Variants in LDB3 observed in about 807,000 individuals in gnomAD.
LDB3 encodes LIM domain-binding protein 3.
In LDB3, 49 loss-of-function variants were observed where a neutral mutation model predicts 69.0. That is an observed-to-expected ratio of 0.71 (90% CI 0.56 to 0.90). The LOEUF is 0.90. Among genes scored for constraint, LDB3 ranks in the 40% least tolerant of loss-of-function variants. LDB3 has a pLI of 0.00. For synonymous variants in LDB3, 387 were observed against 396.2 expected (o/e 0.98, Z 0.28); for missense variants, 928 against 974.1 (o/e 0.95, Z 0.63).
At chr10:86,697,743 G>A (rs746792090) in intron 7 of LDB3, among the ~76,000 whole-genome samples, 2 of 151,220 alleles carry the variant, frequency 1.3e-5, no homozygotes, top group Non-Finnish European at 2.9e-5. Flanking sequence ...TAGTAGAGAC[G>A]GGGTTTCACC....
chr10:86,668,602 G>T (rs527637945), intron 1 of LDB3, 32 bp downstream of exon 1: 2 of 1,009,574 alleles, frequency 2.0e-6, no homozygotes, highest in East Asian at 2.4e-5. Flanking sequence ...AGGGGCAGAG[G>T]TGTGGACCGG....
In LDB3 at chr10:86,679,534, C is replaced by T. The variant is rs747542264; in HGVS notation, c.245+16C>T. On this transcript the variant is annotated intron_variant, in intron 3 of 13. Transcript: ENST00000361373. Reference sequence around the variant, plus strand: ...CCCTGCAGAAGTAGGTGGGAGCTCTCCAGAGCAGGGGGCGGAGGTTTGGGT... The same window carrying T: ...CCCTGCAGAAGTAGGTGGGAGCTCTTCAGAGCAGGGGGCGGAGGTTTGGGT... The T allele has an allele frequency of 1.2e-6, 2 of 1,613,300 alleles. No homozygotes were observed. The highest frequency in any genetic ancestry group is 1.7e-5 in the Admixed American group (1 of 60,014).
intron 8 of LDB3, among the ~76,000 whole-genome samples, chr10:86,707,294 G>C (rs1481090689): frequency 6.6e-6 from 1 of 152,038 alleles, no homozygotes; most frequent in African/African-American, 2.4e-5. Context: ...GTGTAACCTT[G>C]AAAAAGTGAC....
intron 12 of LDB3, among the ~76,000 whole-genome samples, chr10:86,723,711 C>G (rs1330621177): frequency 6.6e-6 from 1 of 152,190 alleles, no homozygotes; most frequent in African/African-American, 2.4e-5. Flanking sequence ...TTTCTTAGCT[C>G]TGGCAAGGCA....
In LDB3 at chr10:86,687,055, C is replaced by T. The variant is rs777780639; in HGVS notation, c.690-4841C>T. On this transcript the variant is annotated intron_variant, in intron 5 of 13. Coordinates refer to ENST00000361373, the MANE Select transcript of LDB3 (RefSeq NM_007078.3). ...CTCCCTCTCCCTGCCCGTACTCCCGCACCCCTCCCCCAGCGCCGACTACCA... is the reference window on the plus strand; with the variant it reads ...CTCCCTCTCCCTGCCCGTACTCCCGTACCCCTCCCCCAGCGCCGACTACCA... 11 of 1,613,400 alleles carry T rather than the reference C, an allele frequency of 6.8e-6. No individual in the cohort carries two copies. The highest frequency in any genetic ancestry group is 8.5e-6 in the Non-Finnish European group (10 of 1,179,524).
intron 2 of LDB3, among the ~76,000 whole-genome samples, chr10:86,671,943 C>G (rs1844505030): frequency 6.6e-6 from 1 of 152,232 alleles, no homozygotes; most frequent in South Asian, 2.1e-4. Flanking sequence ...GAAACCCTGT[C>G]TCCACTAAAA....
At chr10:86,715,083 G>A (rs1487133739) in intron 9 of LDB3, among the ~76,000 whole-genome samples, 1 of 152,064 alleles carries the variant, frequency 6.6e-6, no homozygotes, top group Non-Finnish European at 1.5e-5. Context: ...GGGGAACCAG[G>A]TGGGAAAGAG....
chr10:86,732,403 T>C, intron 13 of LDB3: 1 of 399,636 alleles, frequency 2.5e-6, no homozygotes. Flanking sequence ...TTAGTTTTTA[T>C]ATAGTCCAAC....
Position 86,699,417 on chromosome 10 carries a change from T to C in LDB3, c.896+6846T>C, listed in dbSNP as rs1337998877. ...CCCCACCCCAACAGGCTGGACTCCC[T>C]CCATCCTTACCCCCACACAGATCTG... is the stretch of plus-strand genomic sequence containing the variant. On this transcript the variant is annotated intron_variant, in intron 7 of 13. Coordinates refer to ENST00000361373, the MANE Select transcript of LDB3 (RefSeq NM_007078.3). The surrounding 1 kb of genome is among the most constrained non-coding windows in gnomAD (Gnocchi z 4.9). 6.2e-7 allele frequency: 1 copy of C among 1,612,210 alleles called. No individual in the cohort carries two copies. The highest frequency in any genetic ancestry group is 8.5e-7 in the Non-Finnish European group (1 of 1,179,470).
At chr10:86,675,654 A>G (rs902533781) in intron 2 of LDB3, among the ~76,000 whole-genome samples, 1 of 152,234 alleles carries the variant, frequency 6.6e-6, no homozygotes, top group Non-Finnish European at 1.5e-5. Flanking sequence ...TTCGCCCTGG[A>G]AAGAAGTATG....
chr10:86,679,701 A>C (rs2132361698), intron 3 of LDB3, among the ~76,000 whole-genome samples, 183 bp downstream of exon 3: 1 of 152,382 alleles, frequency 6.6e-6, no homozygotes, highest in Non-Finnish European at 1.5e-5. Flanking sequence ...TCAAGCACCT[A>C]GAGGCAGACA....
At chr10:86,697,549 CTTTTT>C (rs71019409) in intron 7 of LDB3, among the ~76,000 whole-genome samples, 3 of 83,940 alleles carry the variant, frequency 3.6e-5, no homozygotes, top group African/African-American at 1.8e-4. Context: ...TTCTTTCTTT[CTTTTT>C]TTTTTTTTTT....
At chr10:86,711,359 G>A (rs929980928) in intron 9 of LDB3, among the ~76,000 whole-genome samples, 5 of 152,006 alleles carry the variant, frequency 3.3e-5, no homozygotes, top group Non-Finnish European at 7.4e-5. Context: ...GAGACGGGCC[G>A]GAGCCGCGGG....
intron 13 of LDB3, among the ~76,000 whole-genome samples, chr10:86,732,012 T>G (rs1375962879): frequency 2.1e-5 from 3 of 139,974 alleles, no homozygotes; most frequent in Non-Finnish European, 4.5e-5. Context: ...TCTTTTTCTT[T>G]TTTTTTTTTT....
intron 8 of LDB3, among the ~76,000 whole-genome samples, chr10:86,708,499 T>C (rs1471350803): frequency 6.6e-6 from 1 of 152,096 alleles, no homozygotes; most frequent in African/African-American, 2.4e-5. Context: ...GGGCAAAGTG[T>C]CCTCCAATGA....
intron 7 of LDB3, among the ~76,000 whole-genome samples, chr10:86,704,862 G>A (rs1472428496): frequency 6.6e-5 from 10 of 152,092 alleles, no homozygotes; most frequent in Admixed American, 2.6e-4. Flanking sequence ...GATTACAGGC[G>A]TGAGTCACTG....
chr10:86,702,433 C>T (rs904759545), intron 7 of LDB3, among the ~76,000 whole-genome samples: 2 of 152,190 alleles, frequency 1.3e-5, no homozygotes, highest in East Asian at 3.9e-4. Flanking sequence ...AGCAGGGGCA[C>T]ACAGTCAACA....
intron 5 of LDB3, among the ~76,000 whole-genome samples, chr10:86,687,559 G>C (rs1381852724): frequency 2.0e-5 from 3 of 152,244 alleles, no homozygotes; most frequent in Non-Finnish European, 4.4e-5. Flanking sequence ...GAGGAGGCTG[G>C]AAGAAGAGAC....
Position 86,671,527 on chromosome 10 carries a change from A to G in LDB3, c.93+2743A>G, listed in dbSNP as rs1050922454. The stretch of plus-strand genomic sequence containing the variant: ...GGGTGGCGGGGAAATGCCTTTATTT[A>G]TCCTGGACAGGTGTGGCTGGGCCTG... On this transcript the variant is annotated intron_variant, in intron 2 of 13. Transcript: ENST00000361373. Among the ~76,000 whole-genome samples, 10 of 152,010 alleles carry G rather than the reference A, an allele frequency of 6.6e-5. No individual in the cohort carries two copies. In the South Asian group the frequency reaches 1.2e-3, roughly 19 times the overall value.
Sources: allele counts gnomAD v4.1 joint callset (sites outside exome capture counted in the v4.1 genomes callset), GRCh38; gene constraint gnomAD v4.1.1; non-coding constraint Gnocchi (gnomAD v3.1); transcripts MANE v1.5; gene names NCBI Gene and HGNC (gene_info 2026-07-23, HGNC 2026-07-21).